The following EXT1 variants were observed in gnomAD, a reference collection of about 807,000 sequenced individuals.
EXT1 encodes exostosin-1.
EXT1 carries 20 observed loss-of-function variants against 82.5 expected under a neutral mutation model. The ratio of observed to expected loss-of-function variants is 0.24; its 90% CI spans 0.17 to 0.35. The LOEUF (loss-of-function observed/expected upper bound fraction) is 0.35, where lower values mean the gene tolerates loss of function less well. Ranked by LOEUF, EXT1 falls within the 10% of genes least tolerant of loss-of-function variation. EXT1 has a pLI of 1.00. For missense variants in EXT1, 757 were observed against 936.5 expected (o/e 0.81, Z 2.50); for synonymous variants, 348 against 350.8 (o/e 0.99, Z 0.09).
chr8:117,895,765 C>T (rs537447517), intron 1 of EXT1, among the ~76,000 whole-genome samples: 1 of 152,300 alleles, frequency 6.6e-6, no homozygotes, highest in South Asian at 2.1e-4. Context: ...CCTGCTGACC[C>T]ACTTCAAAGG....
chr8:117,881,181 C>T (rs1296467336), intron 1 of EXT1, among the ~76,000 whole-genome samples: 1 of 152,040 alleles, frequency 6.6e-6, no homozygotes, highest in African/African-American at 2.4e-5. Flanking sequence ...TTAAAAAACG[C>T]AGCTTGAACT....
chr8:117,998,977 C>T (rs952361945), intron 1 of EXT1, among the ~76,000 whole-genome samples: 39 of 152,184 alleles, frequency 2.6e-4, no homozygotes, highest in Middle Eastern at 3.2e-3. Context: ...CATGTATAAA[C>T]ACAAAGCCAG....
intron 10 of EXT1, among the ~76,000 whole-genome samples, chr8:117,801,101 G>A (rs1264681983): frequency 6.6e-6 from 1 of 152,206 alleles, no homozygotes; most frequent in Non-Finnish European, 1.5e-5. Flanking sequence ...GAAGCAGTAA[G>A]AGTCACTTCA....
At chr8:117,835,769 T>C (rs544150422) in intron 2 of EXT1, among the ~76,000 whole-genome samples, 1 of 152,348 alleles carries the variant, frequency 6.6e-6, no homozygotes, top group African/African-American at 2.4e-5. Flanking sequence ...AGTCTTGCCC[T>C]AGAATGCTAA....
chr8:117,905,266 T>C (rs1188439635), intron 1 of EXT1, among the ~76,000 whole-genome samples: 1 of 152,148 alleles, frequency 6.6e-6, no homozygotes. Flanking sequence ...TTCTCTTCTG[T>C]ATAATGGAGT....
At chr8:118,105,010 G>T in intron 1 of EXT1, among the ~76,000 whole-genome samples, 1 of 152,294 alleles carries the variant, frequency 6.6e-6, no homozygotes, top group South Asian at 2.1e-4. Context: ...CTGGGTTTTA[G>T]CCTCAATTCA....
intron 1 of EXT1, among the ~76,000 whole-genome samples, chr8:117,844,164 T>TTATTATTATTA (rs1290532041): frequency 6.7e-6 from 1 of 149,876 alleles, no homozygotes; most frequent in Non-Finnish European, 1.5e-5. Context: ...ATTATTATTA[T>TTATTATTATTA]TATTTTGAGA....
chr8:118,035,982 A>G (rs796817401), intron 1 of EXT1, among the ~76,000 whole-genome samples: 10 of 152,256 alleles, frequency 6.6e-5, no homozygotes, highest in African/African-American at 2.4e-4. Context: ...ATGAGCCCTT[A>G]GCTCATTAAG....
At chr8:117,980,676 T>G (rs1815171437) in intron 1 of EXT1, among the ~76,000 whole-genome samples, 1 of 149,660 alleles carries the variant, frequency 6.7e-6, no homozygotes, top group Non-Finnish European at 1.5e-5. Flanking sequence ...TGAGGGAAGG[T>G]TTGTTTGTTC....
In EXT1 at chr8:117,804,705, G is replaced by C; in HGVS notation, c.2055+17C>G. On this transcript the variant is annotated intron_variant, in intron 10 of 10. Transcript: ENST00000378204. Reference sequence around the variant, plus strand: ...ACCAGTGAGTGAAGCAAGGGAAGAGGGCTCTTCTATACTTACCTGTCCCAT... The same window carrying C: ...ACCAGTGAGTGAAGCAAGGGAAGAGCGCTCTTCTATACTTACCTGTCCCAT... 1.2e-6 allele frequency: 2 copies of C among 1,613,694 alleles called. No individual in the cohort carries two copies. Among genetic ancestry groups the C allele is most frequent in the Non-Finnish European group, 1.7e-6 (2 of 1,179,718 alleles).
Position 117,999,974 on chromosome 8 carries a change from G to T in EXT1, c.962+110111C>A, listed in dbSNP as rs188653420. On this transcript the variant is annotated intron_variant, in intron 1 of 10. Transcript: ENST00000378204. ...TGTATGTGCGTGTATATATATATATGTGTGTGTGTATATATATATCTGTAC... is the reference window on the plus strand; with the variant it reads ...TGTATGTGCGTGTATATATATATATTTGTGTGTGTATATATATATCTGTAC... 7.0e-3 allele frequency among the ~76,000 whole-genome samples: 790 copies of T among 112,476 alleles called. 5 individuals are homozygous for T. Among genetic ancestry groups the T allele is most frequent in the Non-Finnish European group, 8.3e-3 (440 of 52,782 alleles). 73.8% of individuals were successfully genotyped at this position (112,476 alleles called of 152,430 possible).
chr8:117,856,379 C>CGAGTA (rs1812558503), intron 1 of EXT1, among the ~76,000 whole-genome samples: 1 of 150,590 alleles, frequency 6.6e-6, no homozygotes. Context: ...CTCAGCCTCC[C>CGAGTA]GAGTAGCTGG....
chr8:117,951,998 A>C (rs1814499228), intron 1 of EXT1, among the ~76,000 whole-genome samples: 1 of 152,236 alleles, frequency 6.6e-6, no homozygotes, highest in African/African-American at 2.4e-5. Context: ...CACAAGACCA[A>C]AAATATTAAC....
chr8:117,860,784 G>T (rs1395680519), intron 1 of EXT1, among the ~76,000 whole-genome samples: 1 of 152,148 alleles, frequency 6.6e-6, no homozygotes, highest in African/African-American at 2.4e-5. Flanking sequence ...CTCCCTCACG[G>T]CAAATTAGCA....
At chr8:117,961,718 T>C (rs1374759978) in intron 1 of EXT1, among the ~76,000 whole-genome samples, 5 of 152,228 alleles carry the variant, frequency 3.3e-5, no homozygotes, top group Non-Finnish European at 7.3e-5. Context: ...TCTTGCACCC[T>C]AACGATGGAT....
At chr8:118,078,440 C>A (rs895670751) in intron 1 of EXT1, among the ~76,000 whole-genome samples, 13 of 152,200 alleles carry the variant, frequency 8.5e-5, no homozygotes, top group African/African-American at 3.1e-4. Flanking sequence ...TCAATTGATA[C>A]ACCCACCTCA....
chr8:117,991,360 G>A lies in EXT1; in HGVS notation c.962+118725C>T, dbSNP rs6985901. On this transcript the variant is annotated intron_variant, in intron 1 of 10. Coordinates refer to ENST00000378204, the MANE Select transcript of EXT1 (RefSeq NM_000127.3). ...TTCCCGACCAGCTTGCTGCCACTGA[G>A]CCAGTGGTTACTTTGTCCGGCTCAT... is the stretch of plus-strand genomic sequence containing the variant. 5.9e-3 allele frequency among the ~76,000 whole-genome samples: 896 copies of A among 152,248 alleles called. 7 individuals are homozygous for A. The highest frequency in any genetic ancestry group is 0.021 in the African/African-American group (874 of 41,540).
intron 1 of EXT1, among the ~76,000 whole-genome samples, chr8:118,019,138 A>C (rs1384329367): frequency 6.6e-6 from 1 of 152,120 alleles, no homozygotes; most frequent in African/African-American, 2.4e-5. Flanking sequence ...AGTTGGTACA[A>C]TGTGAGTGCT....
chr8:117,877,796 G>A (rs1812996281), intron 1 of EXT1, among the ~76,000 whole-genome samples: 1 of 152,092 alleles, frequency 6.6e-6, no homozygotes, highest in African/African-American at 2.4e-5. Flanking sequence ...GCAGAATCCT[G>A]AATTTTAGGA....
Sources: gnomAD v4.1 joint callset for allele counts (sites outside exome capture counted in the v4.1 genomes callset) on GRCh38, gnomAD v4.1.1 for gene constraint, MANE v1.5 for transcripts, NCBI Gene and HGNC (gene_info 2026-07-23, HGNC 2026-07-21) for gene names.